The following DLGAP2 variants were observed in gnomAD, a reference collection of about 807,000 sequenced individuals.
DLGAP2 encodes disks large-associated protein 2.
DLGAP2 carries 26 observed loss-of-function variants against 100.3 expected under a neutral mutation model. The observed-to-expected ratio is 0.26, with a 90% CI of 0.19 to 0.36. DLGAP2 has a LOEUF of 0.36. Ranked by LOEUF, DLGAP2 falls within the 10% of genes least tolerant of loss-of-function variation. DLGAP2 has a pLI of 1.00. For missense variants in DLGAP2, 1,858 were observed against 1,453.2 expected (o/e 1.28, Z -4.53); for synonymous variants, 886 against 630.1 (o/e 1.41, Z -6.08).
intron 2 of DLGAP2, among the ~76,000 whole-genome samples, chr8:1,155,171 G>C (rs1225372876): frequency 6.6e-6 from 1 of 152,174 alleles, no homozygotes; most frequent in African/African-American, 2.4e-5. Flanking sequence ...TGTCCCCTGC[G>C]TCTCTCCTCT....
At chr8:1,350,334 C>A (rs540826351) in intron 3 of DLGAP2, among the ~76,000 whole-genome samples, 2 of 92,120 alleles carry the variant, frequency 2.2e-5, no homozygotes, top group Non-Finnish European at 4.4e-5. Flanking sequence ...GTGGAAAGGC[C>A]GTGCGGGTCC....
chr8:974,527 A>T (rs1185307077), intron 2 of DLGAP2, among the ~76,000 whole-genome samples: 3 of 152,214 alleles, frequency 2.0e-5, no homozygotes, highest in Non-Finnish European at 4.4e-5. Flanking sequence ...AATTTAAAAG[A>T]CTAGAAGTAA....
intron 3 of DLGAP2, among the ~76,000 whole-genome samples, chr8:1,358,917 G>A (rs907644579): frequency 3.3e-5 from 5 of 152,160 alleles, no homozygotes; most frequent in Admixed American, 6.5e-5. Context: ...CGGTGCAGAG[G>A]CCCCAAAGGG....
chr8:1,134,403 C>T (rs1293528416), intron 2 of DLGAP2, among the ~76,000 whole-genome samples: 2 of 152,182 alleles, frequency 1.3e-5, no homozygotes, highest in African/African-American at 4.8e-5. Flanking sequence ...TTTGAGGCAT[C>T]ACCACTCTGT....
At chr8:1,557,605 A>G (rs1802010406) in intron 5 of DLGAP2, among the ~76,000 whole-genome samples, 1 of 152,016 alleles carries the variant, frequency 6.6e-6, no homozygotes, top group African/African-American at 2.4e-5. Flanking sequence ...CTCGGGTGCC[A>G]TGACGGGCAT....
At chr8:940,540 T>C (rs1416860798) in intron 2 of DLGAP2, among the ~76,000 whole-genome samples, 7 of 152,128 alleles carry the variant, frequency 4.6e-5, no homozygotes, top group Admixed American at 3.9e-4. Context: ...CACATCCGTG[T>C]CCATGACATG....
chr8:1,501,362 G>A lies in DLGAP2; in HGVS notation c.107-4G>A. The A allele has an allele frequency of 6.5e-7, 1 of 1,535,906 alleles. No individual in the cohort carries two copies. Among genetic ancestry groups the A allele is most frequent in the Non-Finnish European group, 8.7e-7 (1 of 1,146,742 alleles). ...AAAGAGTGACTTTGTTTCTGTCTTT[G>A]CAGAGGAAGAAGCTGGAGACTTGGT... On this transcript the variant is annotated splice_region_variant and splice_polypyrimidine_tract_variant and intron_variant, in intron 3 of 14. Transcript: ENST00000637795.
intron 3 of DLGAP2, among the ~76,000 whole-genome samples, chr8:1,381,788 TG>T (rs1796101260): frequency 8.7e-6 from 1 of 114,788 alleles, no homozygotes; most frequent in Admixed American, 9.9e-5. Flanking sequence ...TTCTAGTGTG[TG>T]TGTGTGTGTG....
chr8:1,122,089 T>TCCCTTGCACA (rs1404899771), intron 2 of DLGAP2, among the ~76,000 whole-genome samples: 2 of 152,200 alleles, frequency 1.3e-5, no homozygotes, highest in Non-Finnish European at 2.9e-5. Context: ...GAGATTGCAC[T>TCCCTTGCACA]CCCTTAGGTG....
chr8:1,499,966 T>G (rs1156922879), intron 3 of DLGAP2, among the ~76,000 whole-genome samples: 1 of 113,738 alleles, frequency 8.8e-6, no homozygotes, highest in Admixed American at 1.4e-4. Flanking sequence ...CCTGGCTAAC[T>G]GCATCTAACA....
At chr8:1,656,122 G>A (rs886286350) in intron 8 of DLGAP2, among the ~76,000 whole-genome samples, 3 of 152,190 alleles carry the variant, frequency 2.0e-5, no homozygotes, top group Admixed American at 6.5e-5. Context: ...TTGGGAGTTT[G>A]AGACCAGCCT....
At chr8:1,463,479 A>T (rs1798518020) in intron 3 of DLGAP2, among the ~76,000 whole-genome samples, 1 of 152,200 alleles carries the variant, frequency 6.6e-6, no homozygotes, top group Non-Finnish European at 1.5e-5. Flanking sequence ...CCACCGTCCA[A>T]AGCCAGGGTC....
chr8:1,100,753 G>T (rs142567997), intron 2 of DLGAP2, among the ~76,000 whole-genome samples: 8 of 152,264 alleles, frequency 5.3e-5, no homozygotes, highest in African/African-American at 1.7e-4. Flanking sequence ...GATCTGCCAC[G>T]CAGGACAGAG....
At chr8:1,106,350 A>AG (rs770259039) in intron 2 of DLGAP2, among the ~76,000 whole-genome samples, 2 of 148,602 alleles carry the variant, frequency 1.3e-5, no homozygotes, top group Admixed American at 6.7e-5. Flanking sequence ...TTTTCTATTG[A>AG]GGGGAGCCAT....
chr8:1,176,675 C>T (rs550497161), intron 2 of DLGAP2, among the ~76,000 whole-genome samples: 5 of 152,282 alleles, frequency 3.3e-5, no homozygotes, highest in Non-Finnish European at 7.4e-5. Flanking sequence ...AGGTGAAGGT[C>T]ACCAGGGAGG....
chr8:1,248,966 G>T (rs889273122), intron 2 of DLGAP2, among the ~76,000 whole-genome samples: 1 of 152,138 alleles, frequency 6.6e-6, no homozygotes, highest in African/African-American at 2.4e-5. Flanking sequence ...TGTGAAGGCT[G>T]AGCTCAGCCA....
chr8:897,858 G>A (rs577185232), intron 1 of DLGAP2, among the ~76,000 whole-genome samples: 3 of 152,280 alleles, frequency 2.0e-5, no homozygotes, highest in African/African-American at 7.2e-5. Flanking sequence ...TTCCCCCAGG[G>A]CTGTGAGTTT....
At chr8:1,699,500 G>C (rs1328693325) in intron 14 of DLGAP2, among the ~76,000 whole-genome samples, 1 of 151,716 alleles carries the variant, frequency 6.6e-6, no homozygotes, top group African/African-American at 2.4e-5. Context: ...TGTAGTCCCA[G>C]CTACTCAGGA....
At chr8:1,100,693 C>T (rs1382850010) in intron 2 of DLGAP2, among the ~76,000 whole-genome samples, 3 of 152,154 alleles carry the variant, frequency 2.0e-5, no homozygotes, top group Non-Finnish European at 2.9e-5. Context: ...GTGAACTTGG[C>T]GCGCCTGTTG....
Sources: gnomAD v4.1 joint callset for allele counts (sites outside exome capture counted in the v4.1 genomes callset) on GRCh38, gnomAD v4.1.1 for gene constraint, MANE v1.5 for transcripts, NCBI Gene and HGNC (gene_info 2026-07-23, HGNC 2026-07-21) for gene names.